The following NAALADL2 variants were observed in gnomAD, a reference collection of about 807,000 sequenced individuals.
The protein encoded by NAALADL2 is N-acetylated alpha-linked acidic dipeptidase like 2.
In NAALADL2, 76 loss-of-function variants were observed where a neutral mutation model predicts 87.2. That is an observed-to-expected ratio of 0.87 (90% CI 0.72 to 1.05). The LOEUF (loss-of-function observed/expected upper bound fraction) is 1.05, where lower values mean the gene tolerates loss of function less well. Ranked by LOEUF, NAALADL2 falls within the 50% of genes least tolerant of loss-of-function variation. The pLI is 0.00. For missense variants in NAALADL2, 1,089 were observed against 945.8 expected, an observed-to-expected ratio of 1.15 and a Z score of -1.99; for synonymous variants, 354 against 331.0, an observed-to-expected ratio of 1.07 and a Z score of -0.75.
At chr3:174,917,589 A>G (rs549860605) in intron 1 of NAALADL2, among the ~76,000 whole-genome samples, 21 of 152,246 alleles carry the variant, frequency 1.4e-4, no homozygotes, top group African/African-American at 5.1e-4. Context: ...TTAGAGACAC[A>G]CTATTATCTT....
chr3:175,324,080 A>T, intron 4 of NAALADL2, 95 bp from the exon 5 acceptor site: 1 of 861,652 alleles, frequency 1.2e-6, no homozygotes, highest in Non-Finnish European at 1.8e-6. Context: ...AACTGGAAAA[A>T]GAGTCATCTT....
intron 2 of NAALADL2, among the ~76,000 whole-genome samples, chr3:175,159,217 C>T (rs953570477): frequency 2.6e-5 from 4 of 152,040 alleles, no homozygotes; most frequent in Non-Finnish European, 4.4e-5. Context: ...AAAAAATCAG[C>T]CAATCATATC....
chr3:175,030,777 T>C (rs1752713578), intron 1 of NAALADL2, among the ~76,000 whole-genome samples: 1 of 152,078 alleles, frequency 6.6e-6, no homozygotes, highest in African/African-American at 2.4e-5. Flanking sequence ...AGTTTACTAT[T>C]AGCAAGCTCT....
chr3:175,654,604 G>A (rs899123525), intron 11 of NAALADL2, among the ~76,000 whole-genome samples: 3 of 152,158 alleles, frequency 2.0e-5, no homozygotes, highest in Admixed American at 6.5e-5. Flanking sequence ...AGATAAAAAG[G>A]TATTTCACAA....
intron 2 of NAALADL2, among the ~76,000 whole-genome samples, chr3:174,730,950 A>G (rs1172884719): frequency 6.6e-6 from 1 of 152,154 alleles, no homozygotes; most frequent in Non-Finnish European, 1.5e-5. Flanking sequence ...GTAAGTTTGA[A>G]CATAATTATT....
chr3:175,316,659 C>A (rs927188807), intron 4 of NAALADL2, among the ~76,000 whole-genome samples: 2 of 152,014 alleles, frequency 1.3e-5, no homozygotes, highest in African/African-American at 4.8e-5. Flanking sequence ...AGCAGATAGC[C>A]CAGAGACAGC....
At chr3:175,013,837 T>C (rs1054620602) in intron 1 of NAALADL2, among the ~76,000 whole-genome samples, 1 of 152,084 alleles carries the variant, frequency 6.6e-6, no homozygotes, top group Non-Finnish European at 1.5e-5. Context: ...CATGTGCTGA[T>C]TTTCATTCCT....
chr3:174,541,837 T>C (rs1009714375), intron 1 of NAALADL2, among the ~76,000 whole-genome samples: 1 of 152,144 alleles, frequency 6.6e-6, no homozygotes, highest in Non-Finnish European at 1.5e-5. Context: ...AATTGGGGCT[T>C]AGTCTGGGAG....
At chr3:174,752,681 T>C (rs1422276467) in intron 3 of NAALADL2, among the ~76,000 whole-genome samples, 1 of 152,134 alleles carries the variant, frequency 6.6e-6, no homozygotes, top group African/African-American at 2.4e-5. Flanking sequence ...TAATATCCCA[T>C]TCCTTTTCTC....
chr3:175,463,724 G>GAGAGAGACAGAGAGAGAGAC (rs1553901944), intron 7 of NAALADL2, among the ~76,000 whole-genome samples: 5 of 148,242 alleles, frequency 3.4e-5, no homozygotes, highest in African/African-American at 1.3e-4. Context: ...GAGAGAGAGA[G>GAGAGAGACAGAGAGAGAGAC]AGAGAGAGAG....
At chr3:175,658,011 A>C (rs1365021641) in intron 11 of NAALADL2, among the ~76,000 whole-genome samples, 1 of 152,150 alleles carries the variant, frequency 6.6e-6, no homozygotes, top group East Asian at 1.9e-4. Context: ...TATAATATAT[A>C]CATATGTATG....
chr3:175,649,232 T>A (rs184449368), intron 11 of NAALADL2, among the ~76,000 whole-genome samples: 151 of 152,214 alleles, frequency 9.9e-4, no homozygotes, highest in Admixed American at 2.9e-3. Flanking sequence ...TTATTCTTTA[T>A]CATACAGTTT....
At chr3:174,528,708 A>T (rs1343925545) in intron 1 of NAALADL2, among the ~76,000 whole-genome samples, 7 of 152,224 alleles carry the variant, frequency 4.6e-5, no homozygotes. Context: ...GCGAGACCTC[A>T]CAATCAAGGT....
upstream of NAALADL2, among the ~76,000 whole-genome samples, chr3:174,858,088 A>G: frequency 6.9e-6 from 1 of 144,028 alleles, no homozygotes; most frequent in Non-Finnish European, 1.5e-5. Flanking sequence ...CAGCCTATAT[A>G]TATATATTAG....
At chr3:175,731,998 ATT>A (rs1743825254) in intron 11 of NAALADL2, among the ~76,000 whole-genome samples, 1 of 152,142 alleles carries the variant, frequency 6.6e-6, no homozygotes, top group Non-Finnish European at 1.5e-5. Context: ...TAAATAATTT[ATT>A]TTTATATTTT....
At chr3:174,542,291 C>T (rs1283970167) in intron 1 of NAALADL2, among the ~76,000 whole-genome samples, 1 of 152,150 alleles carries the variant, frequency 6.6e-6, no homozygotes, top group Non-Finnish European at 1.5e-5. Context: ...ATACACTCCT[C>T]CTTAAGTTTA....
intron 1 of NAALADL2, among the ~76,000 whole-genome samples, chr3:174,874,118 A>G (rs962415331): frequency 3.3e-5 from 5 of 152,094 alleles, no homozygotes; most frequent in African/African-American, 9.7e-5. Context: ...AAAATTTTAA[A>G]CAGAGTGGAT....
chr3:174,687,251 C>G (rs1018973136), intron 2 of NAALADL2, among the ~76,000 whole-genome samples: 1 of 152,088 alleles, frequency 6.6e-6, no homozygotes, highest in Admixed American at 6.6e-5. Flanking sequence ...TTCACTATTC[C>G]TCCCATATTT....
chr3:175,772,135 T>C (rs1028688701), intron 13 of NAALADL2, among the ~76,000 whole-genome samples: 1 of 152,198 alleles, frequency 6.6e-6, no homozygotes, highest in Non-Finnish European at 1.5e-5. Flanking sequence ...TTACAGGTCC[T>C]AGAGATTAAA....
Sources: gnomAD v4.1 joint callset for allele counts (sites outside exome capture counted in the v4.1 genomes callset) on GRCh38, gnomAD v4.1.1 for gene constraint, MANE v1.5 for transcripts, NCBI Gene and HGNC (gene_info 2026-07-23, HGNC 2026-07-21) for gene names.